LAMA2: variants seen among roughly 807,000 people sequenced by gnomAD.
LAMA2 encodes laminin subunit alpha 2.
A neutral mutation model predicts 364.8 loss-of-function variants in LAMA2; 269 were observed. The ratio of observed to expected loss-of-function variants is 0.74; its 90% CI spans 0.67 to 0.82. The LOEUF is 0.82. Among genes scored for constraint, LAMA2 ranks in the 40% least tolerant of loss-of-function variants. The pLI is 0.00. For missense variants in LAMA2, 3,807 were observed against 3,873.2 expected (o/e 0.98, Z 0.45); for synonymous variants, 1,379 against 1,370.6 (o/e 1.01, Z -0.14).
intron 8 of LAMA2, chr6:129,158,371 C>G: frequency 6.2e-7 from 1 of 1,613,964 alleles, no homozygotes; most frequent in Non-Finnish European, 8.5e-7. Context: ...TGCCATTTGC[C>G]CATCCGTACT....
At position 129,233,842 on chromosome 6, in the gene LAMA2, TC is replaced by T. The variant is rs1190455512; in HGVS notation, c.1783-16268del. ...GATTTTATGGTATTTGTCCTTTTTT[TC>T]CTTTTCCCCTTCACTAAGGGTCTTG... is the stretch of plus-strand genomic sequence containing the variant. On this transcript the variant is annotated intron_variant, in intron 12 of 64. Transcript: ENST00000421865. Among the ~76,000 whole-genome samples, 8 of 152,330 alleles carry T rather than the reference TC, an allele frequency of 5.3e-5. No homozygotes were observed. In the East Asian group the frequency reaches 1.5e-3, roughly 29 times the overall value.
chr6:128,936,147 C>G (rs1779797744), intron 1 of LAMA2, among the ~76,000 whole-genome samples: 1 of 152,196 alleles, frequency 6.6e-6, no homozygotes, highest in Admixed American at 6.5e-5. Flanking sequence ...GTCTCCCCAG[C>G]CGTGCTGAAC....
chr6:129,316,787 G>T (rs1774643015), intron 27 of LAMA2, among the ~76,000 whole-genome samples: 1 of 152,268 alleles, frequency 6.6e-6, no homozygotes, highest in Admixed American at 6.5e-5. Context: ...GAGGCTTGTT[G>T]GGTCTGACAC....
At chr6:129,158,659 C>A (rs1779269389) in intron 8 of LAMA2, 1 of 1,614,148 alleles carries the variant, frequency 6.2e-7, no homozygotes, top group Non-Finnish European at 8.5e-7. Context: ...ATGAGCAAAA[C>A]CAGCCATCGA....
chr6:129,451,948 C>T (rs995468465), intron 45 of LAMA2, among the ~76,000 whole-genome samples: 1 of 152,234 alleles, frequency 6.6e-6, no homozygotes, highest in South Asian at 2.1e-4. Flanking sequence ...TCCAAATGTG[C>T]AAATTACATG....
intron 4 of LAMA2, among the ~76,000 whole-genome samples, chr6:129,104,389 A>G (rs773151941): frequency 1.3e-5 from 2 of 152,226 alleles, no homozygotes; most frequent in African/African-American, 2.4e-5. Context: ...TTAGACAACA[A>G]TGTTCATGTT....
Position 128,966,948 on chromosome 6 carries a change from C to G in LAMA2, c.113-82970C>G, listed in dbSNP as rs562593567. Among the ~76,000 whole-genome samples, 10 of 152,246 alleles carry G rather than the reference C, an allele frequency of 6.6e-5. No homozygotes were observed. The East Asian group carries it at 1.9e-3, about 29-fold the overall frequency. ...TTGCATAAAATACATTTGAAAGGCA[C>G]CATTCTTCCTCATAATACAGCTAGT... is the stretch of plus-strand genomic sequence containing the variant. On this transcript the variant is annotated intron_variant, in intron 1 of 64. Coordinates refer to ENST00000421865, the MANE Select transcript of LAMA2 (RefSeq NM_000426.4).
intron 40 of LAMA2, among the ~76,000 whole-genome samples, chr6:129,425,765 C>T (rs938861407): frequency 6.6e-6 from 1 of 152,078 alleles, no homozygotes; most frequent in African/African-American, 2.4e-5. Context: ...GACATGATTG[C>T]ATTCGTTTTA....
chr6:129,015,148 C>T (rs929756713), intron 1 of LAMA2, among the ~76,000 whole-genome samples: 3 of 151,940 alleles, frequency 2.0e-5, no homozygotes, highest in South Asian at 2.1e-4. Flanking sequence ...ATGTACAAAC[C>T]GTGAATAGAG....
chr6:128,887,540 G>A (rs912657167), intron 1 of LAMA2, among the ~76,000 whole-genome samples: 1 of 151,882 alleles, frequency 6.6e-6, no homozygotes, highest in African/African-American at 2.4e-5. Flanking sequence ...TCTACCCTAG[G>A]ATTTCATGCA....
At chr6:129,397,092 AAAAG>A (rs912681557) in intron 37 of LAMA2, among the ~76,000 whole-genome samples, 3 of 152,226 alleles carry the variant, frequency 2.0e-5, no homozygotes, top group Admixed American at 6.5e-5. Flanking sequence ...ACACCAAAAA[AAAAG>A]AAAGAAAGAA....
intron 1 of LAMA2, among the ~76,000 whole-genome samples, chr6:128,980,532 G>C (rs923110392): frequency 2.0e-5 from 3 of 152,128 alleles, no homozygotes; most frequent in Non-Finnish European, 4.4e-5. Context: ...ATTTCTCATG[G>C]AATAATGGGT....
chr6:129,324,493 C>T (rs1483171123), intron 28 of LAMA2, among the ~76,000 whole-genome samples: 3 of 152,208 alleles, frequency 2.0e-5, no homozygotes, highest in Non-Finnish European at 4.4e-5. Context: ...CCTAGGTAAA[C>T]TTGTACTCAA....
chr6:129,488,832 A>G (rs1261187735), intron 56 of LAMA2, among the ~76,000 whole-genome samples: 1 of 152,248 alleles, frequency 6.6e-6, no homozygotes, highest in Non-Finnish European at 1.5e-5. Context: ...TCACCCAGAA[A>G]AAATTTTTAA....
At chr6:129,351,845 T>A (rs1052590773) in intron 31 of LAMA2, among the ~76,000 whole-genome samples, 6 of 152,178 alleles carry the variant, frequency 3.9e-5, no homozygotes, top group Non-Finnish European at 8.8e-5. Flanking sequence ...TTTGTACTCT[T>A]TCATTGAAAA....
chr6:128,932,782 A>T (rs551591244), intron 1 of LAMA2, among the ~76,000 whole-genome samples: 39 of 152,222 alleles, frequency 2.6e-4, no homozygotes, highest in Non-Finnish European at 4.0e-4. Flanking sequence ...GATTACCACA[A>T]CCAAATTAAT....
intron 1 of LAMA2, among the ~76,000 whole-genome samples, chr6:129,039,288 G>T (rs1039853735): frequency 6.6e-6 from 1 of 152,246 alleles, no homozygotes; most frequent in East Asian, 1.9e-4. Context: ...CAAAAAGGGA[G>T]AACATTCTTT....
At chr6:129,142,699 T>G (rs1778202322) in intron 4 of LAMA2, among the ~76,000 whole-genome samples, 1 of 152,028 alleles carries the variant, frequency 6.6e-6, no homozygotes, top group African/African-American at 2.4e-5. Flanking sequence ...TCTTGAAATT[T>G]GTATCATTTT....
At chr6:129,106,551 T>A (rs75832095) in intron 4 of LAMA2, among the ~76,000 whole-genome samples, 4,366 of 152,134 alleles carry the variant, frequency 0.029, 231 homozygotes, top group African/African-American at 0.1. Context: ...TCAGGCTTCC[T>A]TTCTCTAAAA....
Sources: allele counts gnomAD v4.1 joint callset (sites outside exome capture counted in the v4.1 genomes callset), GRCh38; gene constraint gnomAD v4.1.1; transcripts MANE v1.5; gene names NCBI Gene and HGNC (gene_info 2026-07-23, HGNC 2026-07-21).